PDE11A: variants seen among roughly 807,000 people sequenced by gnomAD.
PDE11A encodes the protein dual 3',5'-cyclic-AMP and -GMP phosphodiesterase 11A.
In PDE11A, 100 loss-of-function variants were observed where a neutral mutation model predicts 100.5. That is an observed-to-expected ratio of 1.00 (90% confidence interval 0.85 to 1.18). PDE11A has a LOEUF of 1.18. PDE11A is among the 50% of genes most tolerant of loss of function. The pLI is 0.00. For missense variants in PDE11A, 1,141 were observed against 1,152.6 expected, an observed-to-expected ratio of 0.99 and a Z score of 0.15; for synonymous variants, 381 against 420.8, an observed-to-expected ratio of 0.91 and a Z score of 1.16.
rs72941560 is a variant in PDE11A, at chr2:177,625,613, G to A, written c.*3794C>T. 1.3e-5 allele frequency: 2 copies of A among 152,314 alleles called. No homozygotes were observed. Among genetic ancestry groups the A allele is most frequent in the Non-Finnish European group, 2.9e-5 (2 of 68,026 alleles). 9.4% of individuals were successfully genotyped at this position (152,314 alleles called of 1,614,324 possible). ...TTCAACAATTAATGCCAAGAGACCT[G>A]AGGAAGCAAACATAATCTGGTCAGT... On this transcript the variant is annotated 3_prime_UTR_variant, in exon 20 of 20. Coordinates refer to ENST00000286063, the MANE Select transcript of PDE11A (RefSeq NM_016953.4).
chr2:177,956,754 T>G lies in PDE11A; in HGVS notation c.1072-51567A>C, dbSNP rs570699132. Among the ~76,000 whole-genome samples, 5 of 152,356 alleles carry G rather than the reference T, an allele frequency of 3.3e-5. No individual in the cohort carries two copies. In the East Asian group the frequency reaches 9.6e-4, roughly 29 times the overall value. ...CATAAAAAATGATGAGTTCATGTCTTTTGTAGGGACATGGATGGAACTGGA... is the reference window on the plus strand; with the variant it reads ...CATAAAAAATGATGAGTTCATGTCTGTTGTAGGGACATGGATGGAACTGGA... On this transcript the variant is annotated intron_variant, in intron 2 of 19. Coordinates refer to ENST00000286063, the MANE Select transcript of PDE11A (RefSeq NM_016953.4).
intron 10 of PDE11A, among the ~76,000 whole-genome samples, chr2:177,730,596 G>A (rs150321874): frequency 2.9e-4 from 43 of 149,126 alleles, no homozygotes; most frequent in Non-Finnish European, 4.9e-4. Context: ...TCTTCTTACT[G>A]TTGAGATTTT....
chr2:177,641,505 C>T (rs939844115), intron 19 of PDE11A, among the ~76,000 whole-genome samples: 9 of 151,498 alleles, frequency 5.9e-5, no homozygotes, highest in Non-Finnish European at 1.3e-4. Flanking sequence ...TATGTGAGAG[C>T]AGATGGAGCT....
chr2:178,071,395 G>A, intron 1 of PDE11A, 131 bp downstream of exon 1: 4 of 1,118,138 alleles, frequency 3.6e-6, no homozygotes, highest in South Asian at 2.8e-5. Flanking sequence ...GTCTAAACTC[G>A]GGAATTTAAA....
rs71010857 is a variant in PDE11A, at chr2:178,096,169, C to CTTTTTTTTTTTTTTT, written c.162+8132_162+8133insAAAAAAAAAAAAAAA. On this transcript the variant is annotated intron_variant, in intron 2 of 20. Transcript: ENST00000358450. ...AGAAAACAGGTTTTTCTTTTCTTTT[C>CTTTTTTTTTTTTTTT]TTTTTTTTTTTTGAGATGGAGTCTC... Among the ~76,000 whole-genome samples, 113 of 120,106 alleles carry CTTTTTTTTTTTTTTT rather than the reference C, an allele frequency of 9.4e-4. 7 individuals are homozygous for CTTTTTTTTTTTTTTT. Among genetic ancestry groups the CTTTTTTTTTTTTTTT allele is most frequent in the Middle Eastern group, 4.3e-3 (1 of 232 alleles). 78.8% of individuals were successfully genotyped at this position (120,106 alleles called of 152,430 possible). A position where few individuals can be genotyped will look rare whatever the true frequency, so the allele number is the denominator to read the frequency against.
chr2:177,969,388 C>G (rs1203384368), intron 2 of PDE11A, among the ~76,000 whole-genome samples: 1 of 152,048 alleles, frequency 6.6e-6, no homozygotes, highest in Non-Finnish European at 1.5e-5. Flanking sequence ...ACCTATGTAA[C>G]AAACCTGCAC....
At chr2:177,640,655 T>C (rs2080128204) in intron 19 of PDE11A, among the ~76,000 whole-genome samples, 1 of 152,208 alleles carries the variant, frequency 6.6e-6, no homozygotes, top group Admixed American at 6.5e-5. Context: ...TCTGAGATAC[T>C]CCCAGATTTT....
chr2:177,806,048 A>G (rs1316694287), intron 9 of PDE11A, among the ~76,000 whole-genome samples: 1 of 152,222 alleles, frequency 6.6e-6, no homozygotes, highest in Non-Finnish European at 1.5e-5. Context: ...TAAAAGGAGA[A>G]AAACTAGCAA....
At chr2:177,864,228 G>A (rs78158899) in intron 5 of PDE11A, among the ~76,000 whole-genome samples, 4,255 of 152,106 alleles carry the variant, frequency 0.028, 186 homozygotes, top group African/African-American at 0.096. Context: ...GATGTAGGTC[G>A]GAGGATACAA....
Position 177,629,199 on chromosome 2 carries a change from T to TG in PDE11A, c.*207dup. ...TTAGGGAAAAGTGAGGGTCCTGGGG[T>TG]GTGCTCCCTGCCCCACCTCTTTCTT... On this transcript the variant is annotated 3_prime_UTR_variant, in exon 20 of 20. Coordinates refer to ENST00000286063, the MANE Select transcript of PDE11A (RefSeq NM_016953.4). 1 of 616,006 alleles carries TG rather than the reference T, an allele frequency of 1.6e-6. No individual in the cohort carries two copies. The highest frequency in any genetic ancestry group is 2.9e-6 in the Non-Finnish European group (1 of 341,480). 38.2% of individuals were successfully genotyped at this position (616,006 alleles called of 1,614,324 possible).
At chr2:177,742,222 C>A (rs2081882281) in intron 10 of PDE11A, among the ~76,000 whole-genome samples, 1 of 151,870 alleles carries the variant, frequency 6.6e-6, no homozygotes, top group Non-Finnish European at 1.5e-5. Context: ...TCATTATACT[C>A]CCTGTATTTA....
At chr2:178,033,781 A>G (rs2086576633) in intron 1 of PDE11A, among the ~76,000 whole-genome samples, 1 of 152,200 alleles carries the variant, frequency 6.6e-6, no homozygotes, top group Non-Finnish European at 1.5e-5. Flanking sequence ...TTCAACCCAG[A>G]ATTTCATACC....
chr2:177,680,684 C>A, intron 16 of PDE11A, 142 bp downstream of exon 16: 1 of 538,330 alleles, frequency 1.9e-6, no homozygotes, highest in Admixed American at 3.4e-5. Flanking sequence ...TTTAATTATT[C>A]AACTGATCTC....
intron 2 of PDE11A, among the ~76,000 whole-genome samples, chr2:177,935,216 T>C (rs1455010821): frequency 6.6e-6 from 1 of 152,220 alleles, no homozygotes; most frequent in Non-Finnish European, 1.5e-5. Context: ...TCTCTCTTAG[T>C]CTTTTTGAAT....
intron 2 of PDE11A, among the ~76,000 whole-genome samples, chr2:177,984,385 G>A (rs2105805277): frequency 6.6e-6 from 1 of 152,276 alleles, no homozygotes; most frequent in Non-Finnish European, 1.5e-5. Flanking sequence ...GGGGTGAATG[G>A]CATACATATA....
In PDE11A at chr2:177,672,054, C is replaced by G. The variant is rs567350523; in HGVS notation, c.2488-2487G>C. On this transcript the variant is annotated intron_variant, in intron 17 of 19. Coordinates refer to ENST00000286063, the MANE Select transcript of PDE11A (RefSeq NM_016953.4). ...CCATCCCTATTACAGGAGCCTCCCC[C>G]AGTACTACACTTTTTCCCAATACCT... Among the ~76,000 whole-genome samples, 188 of 152,234 alleles carry G rather than the reference C, an allele frequency of 1.2e-3. 2 individuals carry two copies. Among genetic ancestry groups the G allele is most frequent in the Middle Eastern group, 0.01 (3 of 294 alleles).
At chr2:177,940,557 T>C (rs1346936398) in intron 2 of PDE11A, among the ~76,000 whole-genome samples, 1 of 152,192 alleles carries the variant, frequency 6.6e-6, no homozygotes, top group African/African-American at 2.4e-5. Flanking sequence ...ATTTGTCCAT[T>C]GCACTCCTAG....
rs1206176468 is a variant in PDE11A at position 177,629,529 on chromosome 2, T to C, written c.2680A>G (p.Met894Val). 6.2e-7 allele frequency: 1 copy of C among 1,605,426 alleles called. No individual in the cohort carries two copies. Among genetic ancestry groups the C allele is most frequent in the Non-Finnish European group, 8.5e-7 (1 of 1,174,818 alleles). The part of the protein sequence containing the change: ...LVKVNVKLKP[M>V]LDSVATNRSK... ...CTGTTTGTAGCTACTGAATCTAGCA[T>C]CGGCTTCAGTTTCACGTTGACCTTC... Residue 894 changes from methionine to valine, a missense_variant, in exon 20 of 20, where the codon ATG (methionine) becomes GTG (valine). Met to Val is a conservative substitution (Grantham distance 21, BLOSUM62 1). Transcript: ENST00000286063.
At chr2:178,052,788 C>G (rs1315161988) in intron 1 of PDE11A, among the ~76,000 whole-genome samples, 2 of 152,172 alleles carry the variant, frequency 1.3e-5, no homozygotes, top group Non-Finnish European at 2.9e-5. Context: ...TTCCTGGACA[C>G]ATAAACCCTC....
Sources: allele counts gnomAD v4.1 joint callset (sites outside exome capture counted in the v4.1 genomes callset), GRCh38; gene constraint gnomAD v4.1.1; transcripts MANE v1.5; gene names NCBI Gene and HGNC (gene_info 2026-07-23, HGNC 2026-07-21).